Variants in ECE1 observed in about 807,000 individuals in gnomAD.
ECE1 encodes endothelin converting enzyme 1.
In ECE1, 35 loss-of-function variants were observed where a neutral mutation model predicts 98.6. The ratio of observed to expected loss-of-function variants is 0.35; its 90% CI spans 0.27 to 0.47. The LOEUF (loss-of-function observed/expected upper bound fraction) is 0.47, where lower values mean the gene tolerates loss of function less well. Among genes scored for constraint, ECE1 ranks in the 20% least tolerant of loss-of-function variants. The pLI is 1.00. For synonymous variants in ECE1, 394 were observed against 407.1 expected (o/e 0.97, Z 0.39); for missense variants, 814 against 1,025.3 (o/e 0.79, Z 2.81).
chr1:21,305,308 T>A (rs1453697686), intron 1 of ECE1, among the ~76,000 whole-genome samples: 1 of 152,132 alleles, frequency 6.6e-6, no homozygotes. Context: ...GCAGGCACCA[T>A]GAACACTGCT....
intron 1 of ECE1, among the ~76,000 whole-genome samples, chr1:21,342,139 T>C (rs1639410391): frequency 6.6e-6 from 1 of 152,134 alleles, no homozygotes; most frequent in Admixed American, 6.5e-5. Context: ...ACTCAACTGC[T>C]GTATAGTAAA....
chr1:21,333,480 C>T (rs568529705), intron 1 of ECE1, among the ~76,000 whole-genome samples: 1 of 152,312 alleles, frequency 6.6e-6, no homozygotes, highest in South Asian at 2.1e-4. Context: ...CATCAGAAAA[C>T]AGCATATGTG....
chr1:21,279,126 G>C (rs28367938), intron 3 of ECE1, 65 bp downstream of exon 3: 2 of 1,613,200 alleles, frequency 1.2e-6, no homozygotes, highest in Non-Finnish European at 1.7e-6. Flanking sequence ...AGCCCCCCTC[G>C]CCCGAGCTGA....
chr1:21,225,111 C>A lies in ECE1; in HGVS notation c.2040+139G>T. 8.6e-7 allele frequency: 1 copy of A among 1,166,228 alleles called. No homozygotes were observed. The highest frequency in any genetic ancestry group is 1.2e-6 in the Non-Finnish European group (1 of 825,482). The allele number at this position is 1,166,228 out of a possible 1,614,324, so 72.2% of individuals were successfully genotyped here. On this transcript the variant is annotated intron_variant, in intron 17 of 18. Coordinates refer to ENST00000374893, the MANE Select transcript of ECE1 (RefSeq NM_001397.3). The surrounding 1 kb of genome is among the most constrained non-coding windows in gnomAD (Gnocchi z 5.3). ...CGGCATCGCGATTGGTCCTCGCCAC[C>A]CCCAATTTCGCAGAAGAGGAAACGG...
Position 21,227,989 on chromosome 1 carries a change from C to T in ECE1, c.1723G>A (p.Glu575Lys), listed in dbSNP as rs779304634. Reference sequence around the variant, plus strand: ...AGGATCCCGGCCGGAAACACAATCTCATTCTTGGTGGGCGAGTAGTAGGCG... The same window carrying T: ...AGGATCCCGGCCGGAAACACAATCTTATTCTTGGTGGGCGAGTAGTAGGCG... Reference protein sequence around the residue: ...VNAYYSPTKNEIVFPAGILQA... With the variant: ...VNAYYSPTKNKIVFPAGILQA... The change falls in exon 15 of 19, where the codon GAG becomes AAG. Residue 575 changes from glutamate (E) to lysine (K), a missense_variant. By Grantham distance (56) the Glu-to-Lys change is moderately conservative (BLOSUM62 1). Coordinates refer to ENST00000374893, the MANE Select transcript of ECE1 (RefSeq NM_001397.3). 1.1e-5 allele frequency: 17 copies of T among 1,565,210 alleles called. No individual in the cohort carries two copies. Among genetic ancestry groups the T allele is most frequent in the African/African-American group, 2.7e-5 (2 of 73,696 alleles).
In ECE1 at chr1:21,285,478, A is replaced by G. The variant is rs546693388; in HGVS notation, c.138+4592T>C. On this transcript the variant is annotated intron_variant, in intron 2 of 18. Transcript: ENST00000374893. ...CAGAGTTGATAACAACTCCAGGTAAACAGACATGTCTTTTTAAAGTATTGA... is the reference window on the plus strand; with the variant it reads ...CAGAGTTGATAACAACTCCAGGTAAGCAGACATGTCTTTTTAAAGTATTGA... 5.9e-5 allele frequency among the ~76,000 whole-genome samples: 9 copies of G among 152,276 alleles called. No individual in the cohort carries two copies. The East Asian group carries it at 1.7e-3, about 29-fold the overall frequency.
chr1:21,283,431 G>A (rs1030347241), intron 2 of ECE1, among the ~76,000 whole-genome samples: 5 of 151,730 alleles, frequency 3.3e-5, no homozygotes, highest in South Asian at 2.1e-4. Context: ...CCACCACGCC[G>A]GGCTAATTTT....
chr1:21,309,854 C>T (rs1328555878), intron 1 of ECE1, among the ~76,000 whole-genome samples: 83 of 148,478 alleles, frequency 5.6e-4, no homozygotes, highest in Middle Eastern at 3.6e-3. Context: ...TGTAGTGGCG[C>T]GATCTCGGCT....
intron 1 of ECE1, among the ~76,000 whole-genome samples, chr1:21,323,622 C>A (rs1395771039): frequency 7.1e-6 from 1 of 141,304 alleles, no homozygotes; most frequent in Non-Finnish European, 1.5e-5. Flanking sequence ...GCACCCCGTC[C>A]CAAAAAACTA....
intron 15 of ECE1, among the ~76,000 whole-genome samples, chr1:21,227,520 C>T (rs1257617484): frequency 6.6e-6 from 1 of 152,192 alleles, no homozygotes; most frequent in African/African-American, 2.4e-5. Context: ...GCAATGGTCG[C>T]CATTGACCAG....
In ECE1 at chr1:21,220,080, C is replaced by T. The variant is rs759491752; in HGVS notation, c.2188G>A (p.Asp730Asn). 2.5e-6 allele frequency: 4 copies of T among 1,614,114 alleles called. No homozygotes were observed. The highest frequency in any genetic ancestry group is 1.1e-5 in the South Asian group (1 of 91,080). Residue 730 changes from aspartate (D) to asparagine (N), a missense_variant, in exon 19 of 19, where the codon GAT becomes AAT. Physicochemically the swap from Asp to Asn is conservative, Grantham distance 23. Coordinates refer to ENST00000374893, the MANE Select transcript of ECE1 (RefSeq NM_001397.3). This position sits in a 1 kb window ranked among gnomAD's most constrained non-coding sequence, Gnocchi z 5.0. The part of the protein sequence containing the change: ...PESSHEGLIT[D>N]PHSPSRFRVI... ...CGGAAGCGAGAGGGGCTGTGGGGAT[C>T]GGTGATGAGGCCTTCGTGGGAGCTC...
intron 1 of ECE1, among the ~76,000 whole-genome samples, chr1:21,318,185 C>T (rs1246393291): frequency 6.6e-6 from 1 of 152,132 alleles, no homozygotes; most frequent in African/African-American, 2.4e-5. Flanking sequence ...CAAGACCTGG[C>T]GTGGCAAGTG....
At chr1:21,306,655 G>T (rs1164413883) in intron 1 of ECE1, among the ~76,000 whole-genome samples, 3 of 152,118 alleles carry the variant, frequency 2.0e-5, no homozygotes, top group Non-Finnish European at 4.4e-5. Flanking sequence ...CTATTTTGTA[G>T]GTGAGAAAGC....
At chr1:21,221,900 A>G in intron 17 of ECE1, 58 bp from the exon 18 acceptor site, 1 of 1,501,110 alleles carries the variant, frequency 6.7e-7, no homozygotes, top group Non-Finnish European at 9.3e-7. Context: ...GAAGGAGGGG[A>G]CTGGTATGGA....
At chr1:21,236,892 G>A in intron 11 of ECE1, 48 bp from the exon 12 acceptor site, 1 of 1,535,472 alleles carries the variant, frequency 6.5e-7, no homozygotes, top group Non-Finnish European at 9.0e-7. Context: ...CTGGTCTCAG[G>A]TAAATGCAAC....
At chr1:21,330,285 G>T (rs12757901) in intron 1 of ECE1, among the ~76,000 whole-genome samples, 1 of 141,702 alleles carries the variant, frequency 7.1e-6, no homozygotes, top group Non-Finnish European at 1.5e-5. Flanking sequence ...ACCCAGGCTG[G>T]AGTGCAGTGG....
Position 21,227,974 on chromosome 1 carries a change from C to G in ECE1, c.1738G>C (p.Ala580Pro). 1 of 1,560,782 alleles carries G rather than the reference C, an allele frequency of 6.4e-7. No homozygotes were observed. Among genetic ancestry groups the G allele is most frequent in the East Asian group, 2.4e-5 (1 of 41,902 alleles). The part of the protein sequence containing the change: ...SPTKNEIVFP[A>P]GILQAPFYTR... ...TAGAATGGTGCCTGCAGGATCCCGG[C>G]CGGAAACACAATCTCATTCTTGGTG... The change falls in exon 15 of 19, where the codon GCC becomes CCC. Residue 580 changes from alanine to proline, a missense_variant. By Grantham distance (27) the Ala-to-Pro change is conservative. This residue lies in a region of ECE1 where 452 missense variants were observed against 567.3 expected (regional missense o/e 0.80). Coordinates refer to ENST00000374893, the MANE Select transcript of ECE1 (RefSeq NM_001397.3).
intron 1 of ECE1, among the ~76,000 whole-genome samples, chr1:21,333,818 AG>A (rs1424880567): frequency 6.6e-6 from 1 of 152,018 alleles, no homozygotes; most frequent in African/African-American, 2.4e-5. Flanking sequence ...TGGGCAACAG[AG>A]CGAGACTCCG....
intron 1 of ECE1, among the ~76,000 whole-genome samples, chr1:21,321,434 G>A (rs769623725): frequency 6.6e-6 from 1 of 152,210 alleles, no homozygotes; most frequent in Non-Finnish European, 1.5e-5. Context: ...TCCTGGAAGA[G>A]GGTCTGTTGG....
Sources: allele counts gnomAD v4.1 joint callset (sites outside exome capture counted in the v4.1 genomes callset), GRCh38; gene constraint gnomAD v4.1.1; regional missense constraint gnomAD v4.1.1; non-coding constraint Gnocchi (gnomAD v3.1); transcripts MANE v1.5; gene names NCBI Gene and HGNC (gene_info 2026-07-23, HGNC 2026-07-21).